Variants in ERBB4 observed in about 807,000 individuals in gnomAD.
The protein encoded by ERBB4 is erb-b2 receptor tyrosine kinase 4.
In ERBB4, 42 loss-of-function variants were observed where a neutral mutation model predicts 158.0. The observed-to-expected ratio is 0.27, with a 90% CI of 0.21 to 0.34. The LOEUF (loss-of-function observed/expected upper bound fraction) is 0.34. Among genes scored for constraint, ERBB4 ranks in the 10% least tolerant of loss-of-function variants. The pLI is 1.00. For synonymous variants in ERBB4, 583 were observed against 558.7 expected (o/e 1.04, Z -0.61); for missense variants, 1,333 against 1,624.1 (o/e 0.82, Z 3.08).
intron 3 of ERBB4, among the ~76,000 whole-genome samples, chr2:211,857,314 C>G (rs1345408518): frequency 6.6e-6 from 1 of 152,100 alleles, no homozygotes; most frequent in African/African-American, 2.4e-5. Context: ...ATTTCTAGTT[C>G]ATAAAATCTG....
At chr2:211,591,188 A>C (rs768783699) in intron 19 of ERBB4, among the ~76,000 whole-genome samples, 2 of 152,230 alleles carry the variant, frequency 1.3e-5, no homozygotes, top group Non-Finnish European at 2.9e-5. Context: ...TTTACTTATT[A>C]AAATTAGATC....
chr2:211,763,446 C>A (rs1480657305), intron 4 of ERBB4, among the ~76,000 whole-genome samples: 3 of 152,126 alleles, frequency 2.0e-5, no homozygotes, highest in Non-Finnish European at 4.4e-5. Context: ...TAGTTCCTAA[C>A]AGTGTTCAAA....
At chr2:212,437,285 G>A (rs2092158616) in intron 1 of ERBB4, among the ~76,000 whole-genome samples, 1 of 152,010 alleles carries the variant, frequency 6.6e-6, no homozygotes, top group South Asian at 2.1e-4. Flanking sequence ...GGGATACAAG[G>A]ATTTCCCTTA....
chr2:211,513,435 C>T (rs1254861555), intron 20 of ERBB4, among the ~76,000 whole-genome samples: 2 of 149,212 alleles, frequency 1.3e-5, no homozygotes, highest in Non-Finnish European at 3.0e-5. Context: ...CCTTTTTTCA[C>T]GGGAAGTATT....
rs185281460 is a variant in ERBB4, at chr2:212,259,931, A to G, written c.83-135028T>C. ...CTAAAAATACAAAAATTAGCTGGAC[A>G]TGGTGGTGCATCCTGTAATCCCAGC... On this transcript the variant is annotated intron_variant, in intron 1 of 27. Transcript: ENST00000342788. 6.2e-4 allele frequency among the ~76,000 whole-genome samples: 94 copies of G among 152,034 alleles called. 2 individuals carry two copies. The highest frequency in any genetic ancestry group is 2.2e-3 in the African/African-American group (91 of 41,534).
chr2:212,258,091 A>G (rs1483938866), intron 1 of ERBB4, among the ~76,000 whole-genome samples: 1 of 152,186 alleles, frequency 6.6e-6, no homozygotes, highest in African/African-American at 2.4e-5. Context: ...AACTATTTAT[A>G]GGAATGTCAG....
chr2:212,206,570 T>C (rs2105915196), intron 1 of ERBB4, among the ~76,000 whole-genome samples: 1 of 146,798 alleles, frequency 6.8e-6, no homozygotes, highest in East Asian at 2.1e-4. Flanking sequence ...CACTATGAAC[T>C]GTCTCCGTCT....
At chr2:211,875,100 T>C (rs563039616) in intron 3 of ERBB4, among the ~76,000 whole-genome samples, 1 of 150,518 alleles carries the variant, frequency 6.6e-6, no homozygotes, top group East Asian at 1.9e-4. Flanking sequence ...GATAACGTTT[T>C]TTTTTTTCCA....
At chr2:211,702,456 A>C (rs2073288583) in intron 11 of ERBB4, among the ~76,000 whole-genome samples, 1 of 152,128 alleles carries the variant, frequency 6.6e-6, no homozygotes, top group Non-Finnish European at 1.5e-5. Context: ...CCACCCCAAG[A>C]CTTAACTTTA....
intron 1 of ERBB4, among the ~76,000 whole-genome samples, chr2:212,447,268 A>AT (rs1163594169): frequency 1.3e-5 from 2 of 152,098 alleles, no homozygotes; most frequent in East Asian, 3.9e-4. Context: ...AAGTGCTGGG[A>AT]TTACAGGTGT....
intron 1 of ERBB4, among the ~76,000 whole-genome samples, chr2:212,371,326 C>G (rs1411770837): frequency 2.0e-5 from 3 of 152,182 alleles, no homozygotes; most frequent in Admixed American, 6.5e-5. Flanking sequence ...TAAAAACTTT[C>G]AAAATCTGAC....
intron 2 of ERBB4, among the ~76,000 whole-genome samples, chr2:212,005,856 C>T (rs1000367708): frequency 2.6e-5 from 4 of 151,976 alleles, no homozygotes; most frequent in African/African-American, 4.8e-5. Context: ...GAGTCCAAGG[C>T]GGGAGATTGT....
intron 1 of ERBB4, among the ~76,000 whole-genome samples, chr2:212,246,715 C>T (rs568341216): frequency 1.3e-5 from 2 of 151,956 alleles, no homozygotes; most frequent in Non-Finnish European, 2.9e-5. Context: ...GAATTAGAAA[C>T]GTGATGCTGA....
chr2:211,678,966 CAAAAAAAAAAAAA>C (rs71054127), intron 13 of ERBB4, 73 bp downstream of exon 13: 14 of 508,688 alleles, frequency 2.8e-5, no homozygotes, highest in East Asian at 7.7e-5. Context: ...GACTCCGTCT[CAAAAAAAAAAAAA>C]AAAAAAAAAA....
chr2:211,986,861 T>A (rs573759309), intron 2 of ERBB4, among the ~76,000 whole-genome samples: 2 of 152,202 alleles, frequency 1.3e-5, no homozygotes, highest in East Asian at 3.8e-4. Flanking sequence ...AAGTAAAGTT[T>A]ATTTAATATT....
intron 1 of ERBB4, among the ~76,000 whole-genome samples, chr2:212,207,567 A>G (rs1574434921): frequency 6.6e-6 from 1 of 152,212 alleles, no homozygotes; most frequent in Non-Finnish European, 1.5e-5. Flanking sequence ...TACACTAAAT[A>G]TAATATATCA....
chr2:211,632,426 T>G (rs2070177650), intron 16 of ERBB4, among the ~76,000 whole-genome samples: 1 of 152,070 alleles, frequency 6.6e-6, no homozygotes, highest in Admixed American at 6.6e-5. Context: ...GTCCAATTTT[T>G]TATCGCAAAA....
At chr2:212,085,610 G>T (rs866744616) in intron 2 of ERBB4, among the ~76,000 whole-genome samples, 1 of 151,722 alleles carries the variant, frequency 6.6e-6, no homozygotes, top group Non-Finnish European at 1.5e-5. Context: ...CATCTTCATA[G>T]CAAAAACTAT....
At chr2:212,140,765 A>C (rs1485973121) in intron 1 of ERBB4, among the ~76,000 whole-genome samples, 2 of 151,354 alleles carry the variant, frequency 1.3e-5, no homozygotes, top group Admixed American at 6.6e-5. Context: ...GTTGAGTGTA[A>C]ACTGATCTAC....
Sources: gnomAD v4.1 joint callset for allele counts (sites outside exome capture counted in the v4.1 genomes callset) on GRCh38, gnomAD v4.1.1 for gene constraint, MANE v1.5 for transcripts, NCBI Gene and HGNC (gene_info 2026-07-23, HGNC 2026-07-21) for gene names.